Variants in PSMA6 observed in about 807,000 individuals in gnomAD.
PSMA6 encodes the protein proteasome 20S subunit alpha 6, also known as proteasome subunit alpha type-6.
For missense variants in PSMA6, 170 were observed against 294.8 expected, an observed-to-expected ratio of 0.58 and a Z score of 3.10; for synonymous variants, 88 against 97.7, an observed-to-expected ratio of 0.90 and a Z score of 0.59.
intron 1 of PSMA6, among the ~76,000 whole-genome samples, chr14:35,300,024 AC>A (rs1355558987): frequency 6.6e-6 from 1 of 152,204 alleles, no homozygotes; most frequent in African/African-American, 2.4e-5. Flanking sequence ...ATAGACAGTA[AC>A]AACTGAAAGA....
upstream of PSMA6, among the ~76,000 whole-genome samples, chr14:35,288,896 C>G (rs139370586): frequency 1.0e-2 from 1,522 of 152,332 alleles, 26 homozygotes; most frequent in South Asian, 0.059. Flanking sequence ...GCATGTGGCC[C>G]AGGATGGCTT....
upstream of PSMA6, among the ~76,000 whole-genome samples, chr14:35,288,686 A>G (rs749067334): frequency 7.2e-5 from 11 of 152,230 alleles, no homozygotes; most frequent in Non-Finnish European, 1.2e-4. Context: ...CAGCTTAAAT[A>G]CCATACCACA....
In PSMA6 at chr14:35,304,585, C is replaced by G. The variant is rs139662067; in HGVS notation, c.77-3409C>G. Among the ~76,000 whole-genome samples the G allele has an allele frequency of 5.0e-3, 756 of 152,210 alleles. 10 individuals are homozygous for G. The highest frequency in any genetic ancestry group is 0.017 in the African/African-American group (700 of 41,540). ...TCTCTACTAAAAATACAAAAATTAG[C>G]TGGGCGTGGTTGTGCACACCTGTAA... On this transcript the variant is annotated intron_variant, in intron 1 of 6. Coordinates refer to ENST00000261479, the MANE Select transcript of PSMA6 (RefSeq NM_002791.3).
At chr14:35,306,801 A>G (rs989174717) in intron 1 of PSMA6, among the ~76,000 whole-genome samples, 2 of 152,208 alleles carry the variant, frequency 1.3e-5, no homozygotes, top group African/African-American at 4.8e-5. Context: ...TTTAACCAAT[A>G]GAATGGATTG....
chr14:35,307,120 C>G (rs1416223199), intron 1 of PSMA6, among the ~76,000 whole-genome samples: 1 of 152,178 alleles, frequency 6.6e-6, no homozygotes, highest in African/African-American at 2.4e-5. Flanking sequence ...CTCACTCCAA[C>G]CTGGGCGACA....
chr14:35,308,948 T>C lies in PSMA6; in HGVS notation c.206T>C (p.Leu69Ser). 1 of 1,610,314 alleles carries C rather than the reference T, an allele frequency of 6.2e-7. No individual in the cohort carries two copies. Among genetic ancestry groups the C allele is most frequent in the Non-Finnish European group, 8.5e-7 (1 of 1,177,524 alleles). ...TTGGATTCCAGCACAGTGACTCACT[T>C]ATTCAAGATAACTGAAAACATTGGT... Reference protein sequence around the residue: ...KLLDSSTVTHLFKITENIGCV... With the variant: ...KLLDSSTVTHSFKITENIGCV... The change falls in exon 3 of 7, where the codon TTA (leucine) becomes TCA (serine). Residue 69 changes from leucine (L) to serine (S), a missense_variant. Leu to Ser is a moderately radical substitution (Grantham distance 145, BLOSUM62 -2). Transcript: ENST00000261479.
chr14:35,285,281 A>C (rs987571473), intron 1 of PSMA6, among the ~76,000 whole-genome samples: 2 of 150,564 alleles, frequency 1.3e-5, no homozygotes, highest in Non-Finnish European at 2.9e-5. Context: ...CAGAGGTTGC[A>C]GTGAGCCAAG....
chr14:35,297,592 A>G (rs2051623500), intron 1 of PSMA6, among the ~76,000 whole-genome samples: 1 of 152,180 alleles, frequency 6.6e-6, no homozygotes, highest in Non-Finnish European at 1.5e-5. Flanking sequence ...GGAGAAAATC[A>G]TATTTACATC....
chr14:35,317,207 T>G (rs771881061), intron 6 of PSMA6, 42 bp from the exon 7 acceptor site: 3 of 1,551,666 alleles, frequency 1.9e-6, no homozygotes, highest in Non-Finnish European at 2.7e-6. Flanking sequence ...TTTGAAAAAA[T>G]TTTTTTTAAA....
At chr14:35,291,211 G>GCTTT (rs947636524), upstream of PSMA6, among the ~76,000 whole-genome samples, 1 of 144,498 alleles carries the variant, frequency 6.9e-6, no homozygotes, top group Non-Finnish European at 1.5e-5. Flanking sequence ...CTGGAGTTAG[G>GCTTT]CTTTCTTTCT....
chr14:35,304,211 G>A (rs1273324218), intron 1 of PSMA6, among the ~76,000 whole-genome samples: 2 of 152,162 alleles, frequency 1.3e-5, no homozygotes, highest in Non-Finnish European at 2.9e-5. Flanking sequence ...GACTTCAGGT[G>A]ATCTGCCTGT....
chr14:35,278,596 T>A (rs1388348482), upstream of PSMA6: 2 of 1,244,268 alleles, frequency 1.6e-6, no homozygotes, highest in African/African-American at 3.0e-5. Context: ...TGGAATTCCC[T>A]GACGATTCCA....
chr14:35,291,535 A>G (rs2051480324), upstream of PSMA6, among the ~76,000 whole-genome samples: 2 of 151,846 alleles, frequency 1.3e-5, no homozygotes, highest in Admixed American at 6.5e-5. Flanking sequence ...TTTCAAGACT[A>G]AAAATTGCCT....
intron 4 of PSMA6, among the ~76,000 whole-genome samples, chr14:35,311,660 T>C (rs780915390): frequency 3.9e-5 from 6 of 152,242 alleles, no homozygotes; most frequent in Non-Finnish European, 7.3e-5. Context: ...TTAAGTACTT[T>C]GTTACCTGTT....
At chr14:35,291,722 A>G (rs1034877610), upstream of PSMA6, among the ~76,000 whole-genome samples, 8 of 147,486 alleles carry the variant, frequency 5.4e-5, no homozygotes, top group African/African-American at 1.7e-4. Context: ...ACTCGGGAGG[A>G]TGAGGCAGGA....
At chr14:35,288,189 A>G (rs1053838217), upstream of PSMA6, among the ~76,000 whole-genome samples, 1 of 152,230 alleles carries the variant, frequency 6.6e-6, no homozygotes, top group African/African-American at 2.4e-5. Flanking sequence ...TATTGAGGAT[A>G]CACTGGTGAA....
upstream of PSMA6, among the ~76,000 whole-genome samples, chr14:35,289,660 G>A (rs934029661): frequency 1.3e-5 from 2 of 151,874 alleles, no homozygotes; most frequent in African/African-American, 4.8e-5. Context: ...TTATATAACA[G>A]AAAGAAAAAA....
chr14:35,300,962 G>T (rs972786666), intron 1 of PSMA6, among the ~76,000 whole-genome samples: 2 of 152,166 alleles, frequency 1.3e-5, no homozygotes, highest in African/African-American at 4.8e-5. Flanking sequence ...ATAGGCATAG[G>T]TATTTGAAGA....
At chr14:35,286,354 G>C (rs2051421744) in intron 1 of PSMA6, among the ~76,000 whole-genome samples, 1 of 152,292 alleles carries the variant, frequency 6.6e-6, no homozygotes, top group Non-Finnish European at 1.5e-5. Context: ...CATGCCTAAG[G>C]GGAAGCTGTA....
Sources: gnomAD v4.1 joint callset for allele counts (sites outside exome capture counted in the v4.1 genomes callset) on GRCh38, gnomAD v4.1.1 for gene constraint, MANE v1.5 for transcripts, NCBI Gene and HGNC (gene_info 2026-07-23, HGNC 2026-07-21) for gene names.